Variants in PTPN14 observed in about 807,000 individuals in gnomAD.
PTPN14 encodes protein tyrosine phosphatase non-receptor type 14.
In PTPN14, 53 loss-of-function variants were observed where a neutral mutation model predicts 126.8. The observed-to-expected ratio is 0.42, with a 90% CI of 0.34 to 0.53. PTPN14 has a LOEUF of 0.53. PTPN14 is among the 20% of genes least tolerant of loss of function. The pLI is 0.08. For synonymous variants in PTPN14, 630 were observed against 599.3 expected (o/e 1.05, Z -0.75); for missense variants, 1,257 against 1,552.9 (o/e 0.81, Z 3.20).
intron 1 of PTPN14, among the ~76,000 whole-genome samples, chr1:214,490,858 G>C (rs1230897814): frequency 3.4e-4 from 5 of 14,724 alleles, no homozygotes; most frequent in African/African-American, 2.1e-3. Context: ...AGGAAGGGAA[G>C]GGAGGGGAGG....
At chr1:214,472,104 T>C (rs1050378313) in intron 1 of PTPN14, among the ~76,000 whole-genome samples, 3 of 152,210 alleles carry the variant, frequency 2.0e-5, no homozygotes, top group Non-Finnish European at 2.9e-5. Context: ...GCTTTATACA[T>C]GGCAGGAAGT....
At chr1:214,464,260 GT>G in intron 2 of PTPN14, among the ~76,000 whole-genome samples, 1 of 148,040 alleles carries the variant, frequency 6.8e-6, no homozygotes, top group African/African-American at 2.5e-5. Context: ...GTATGTGGGC[GT>G]TTTTTCTCCT....
intron 13 of PTPN14, among the ~76,000 whole-genome samples, chr1:214,381,382 G>T (rs912845257): frequency 1.3e-5 from 2 of 152,174 alleles, no homozygotes; most frequent in Non-Finnish European, 2.9e-5. Context: ...CCAATAAATT[G>T]CTTTATTCCA....
At chr1:214,502,743 G>T (rs1320408523) in intron 1 of PTPN14, among the ~76,000 whole-genome samples, 1 of 152,098 alleles carries the variant, frequency 6.6e-6, no homozygotes, top group Non-Finnish European at 1.5e-5. Flanking sequence ...GAGTGATTTA[G>T]TTGTGTAAAA....
At chr1:214,380,131 A>G (rs1047343668) in intron 13 of PTPN14, among the ~76,000 whole-genome samples, 11 of 151,916 alleles carry the variant, frequency 7.2e-5, no homozygotes, top group Non-Finnish European at 1.6e-4. Context: ...GGGGAGAAAG[A>G]GTTTTTCTTT....
At chr1:214,386,569 C>A (rs899959001) in intron 12 of PTPN14, among the ~76,000 whole-genome samples, 2 of 152,198 alleles carry the variant, frequency 1.3e-5, no homozygotes, top group Non-Finnish European at 1.5e-5. Context: ...CTGTCATACT[C>A]TCTTCTCTAA....
chr1:214,408,499 T>C (rs1558089563), intron 5 of PTPN14, among the ~76,000 whole-genome samples: 1 of 152,230 alleles, frequency 6.6e-6, no homozygotes, highest in Non-Finnish European at 1.5e-5. Flanking sequence ...AACCCAGGAA[T>C]GGGCATTTTA....
chr1:214,539,514 C>T (rs1293356121), intron 1 of PTPN14, among the ~76,000 whole-genome samples: 1 of 152,138 alleles, frequency 6.6e-6, no homozygotes, highest in Non-Finnish European at 1.5e-5. Flanking sequence ...TGATGTGCTG[C>T]TCACTGTGCA....
At chr1:214,548,848 G>C (rs1296795086) in intron 1 of PTPN14, among the ~76,000 whole-genome samples, 1 of 152,128 alleles carries the variant, frequency 6.6e-6, no homozygotes, top group East Asian at 1.9e-4. Flanking sequence ...CCTATTAAAA[G>C]CCTAACTGTC....
chr1:214,532,851 A>C, intron 1 of PTPN14: 2 of 1,014,722 alleles, frequency 2.0e-6, no homozygotes, highest in Non-Finnish European at 3.1e-6. Context: ...AAGGCCTACA[A>C]GCCCAGATTG....
intron 2 of PTPN14, among the ~76,000 whole-genome samples, chr1:214,463,614 G>T (rs1660561346): frequency 6.6e-6 from 1 of 152,098 alleles, no homozygotes; most frequent in Non-Finnish European, 1.5e-5. Context: ...GACCCTCCTG[G>T]GCCCCCATTC....
At chr1:214,484,806 G>A (rs760673282) in intron 1 of PTPN14, among the ~76,000 whole-genome samples, 1 of 152,164 alleles carries the variant, frequency 6.6e-6, no homozygotes, top group Non-Finnish European at 1.5e-5. Flanking sequence ...GGTCATTAAA[G>A]GTCTCCAAGA....
chr1:214,388,154 C>A (rs1012331936), intron 11 of PTPN14, among the ~76,000 whole-genome samples: 17 of 152,068 alleles, frequency 1.1e-4, no homozygotes, highest in Admixed American at 1.1e-3. Context: ...TTTGGTGAAC[C>A]AACAAAGGAA....
At chr1:214,425,656 A>G (rs1016124635) in intron 3 of PTPN14, among the ~76,000 whole-genome samples, 2 of 152,200 alleles carry the variant, frequency 1.3e-5, no homozygotes, top group African/African-American at 4.8e-5. Context: ...CTAGTGTACT[A>G]TGAAAAAAAT....
intron 1 of PTPN14, among the ~76,000 whole-genome samples, chr1:214,491,809 A>G (rs1322066715): frequency 2.0e-5 from 3 of 152,294 alleles, no homozygotes; most frequent in African/African-American, 7.2e-5. Context: ...TCTTTCCCCA[A>G]GTCTAGTTCA....
chr1:214,394,611 T>A (rs1035313525), intron 9 of PTPN14, among the ~76,000 whole-genome samples: 1 of 152,160 alleles, frequency 6.6e-6, no homozygotes, highest in Non-Finnish European at 1.5e-5. Flanking sequence ...TTTCGCCATA[T>A]TGGCCAGGCT....
chr1:214,356,503 T>C lies in PTPN14; in HGVS notation c.*1419A>G, dbSNP rs920093384. The C allele has an allele frequency of 2.6e-5, 4 of 152,158 alleles. No individual in the cohort carries two copies. The highest frequency in any genetic ancestry group is 9.7e-5 in the African/African-American group (4 of 41,440). 9.4% of individuals were successfully genotyped at this position (152,158 alleles called of 1,614,324 possible). A position where few individuals can be genotyped will look rare whatever the true frequency, so the allele number is the denominator to read the frequency against. On this transcript the variant is annotated 3_prime_UTR_variant, in exon 19 of 19. Coordinates refer to ENST00000366956, the MANE Select transcript of PTPN14 (RefSeq NM_005401.5). ...CCAAAATGCAGTAAGAGGAAAAAAGTACAAAACATGATTTATTGTGTACCA... is the reference window on the plus strand; with the variant it reads ...CCAAAATGCAGTAAGAGGAAAAAAGCACAAAACATGATTTATTGTGTACCA...
intron 18 of PTPN14, among the ~76,000 whole-genome samples, chr1:214,362,723 T>G (rs192381906): frequency 1.2e-4 from 19 of 152,138 alleles, no homozygotes; most frequent in African/African-American, 4.6e-4. Flanking sequence ...GGGAAAGAAG[T>G]GGAGTGGCCA....
At chr1:214,487,701 T>C (rs1180860694) in intron 1 of PTPN14, among the ~76,000 whole-genome samples, 1 of 151,828 alleles carries the variant, frequency 6.6e-6, no homozygotes, top group Non-Finnish European at 1.5e-5. Context: ...CATCAATATA[T>C]ACTTTGCAAT....
Sources: allele counts gnomAD v4.1 joint callset (sites outside exome capture counted in the v4.1 genomes callset), GRCh38; gene constraint gnomAD v4.1.1; transcripts MANE v1.5; gene names NCBI Gene and HGNC (gene_info 2026-07-23, HGNC 2026-07-21).